Variants in SULT2B1 observed in about 807,000 individuals in gnomAD.
The protein encoded by SULT2B1 is sulfotransferase family 2B member 1, also known as sulfotransferase 2B1.
SULT2B1 carries 16 observed loss-of-function variants against 33.2 expected under a neutral mutation model. The ratio of observed to expected loss-of-function variants is 0.48; its 90% confidence interval spans 0.33 to 0.73. The LOEUF (loss-of-function observed/expected upper bound fraction) is 0.73. Ranked by LOEUF, SULT2B1 falls within the 30% of genes least tolerant of loss-of-function variation. The pLI is 0.02. For missense variants in SULT2B1, 500 were observed against 506.0 expected (o/e 0.99, Z 0.11); for synonymous variants, 186 against 200.5 (o/e 0.93, Z 0.61).
chr19:48,595,573 T>C (rs1024411724), intron 5 of SULT2B1, among the ~76,000 whole-genome samples: 4 of 151,430 alleles, frequency 2.6e-5, no homozygotes, highest in Non-Finnish European at 5.9e-5. Flanking sequence ...GAGGGAGGAA[T>C]GTGTAGGGAA....
chr19:48,586,585 G>C (rs949400160), intron 2 of SULT2B1, among the ~76,000 whole-genome samples: 1 of 152,172 alleles, frequency 6.6e-6, no homozygotes, highest in Non-Finnish European at 1.5e-5. Context: ...ATAGCAGCAG[G>C]GGAGAAGAGA....
chr19:48,585,957 C>T (rs559179824), intron 2 of SULT2B1, among the ~76,000 whole-genome samples: 27 of 152,230 alleles, frequency 1.8e-4, no homozygotes, highest in Non-Finnish European at 2.9e-4. Flanking sequence ...GGCATGATGC[C>T]TCTGCTCCCA....
chr19:48,587,326 TGAGA>T lies in SULT2B1; in HGVS notation c.313_316del (p.Glu105ProfsTer17). On this transcript the variant is annotated frameshift_variant, in exon 3 of 7. Coordinates refer to ENST00000201586, the MANE Select transcript of SULT2B1 (RefSeq NM_177973.2). LOFTEE classifies it high-confidence loss of function. ...CCATCTGGGAGCGGGCACCCTGGTG[TGAGA>T]CCATTGTGGGTGCCTTCAGCCTCCC... is the stretch of plus-strand genomic sequence containing the variant. 1 of 1,609,110 alleles carries T rather than the reference TGAGA, an allele frequency of 6.2e-7. No individual in the cohort carries two copies. The highest frequency in any genetic ancestry group is 1.7e-4 in the Middle Eastern group (1 of 6,054).
intron 1 of SULT2B1, among the ~76,000 whole-genome samples, chr19:48,564,107 G>A (rs79700483): frequency 0.11 from 17,090 of 151,926 alleles, 1,061 homozygotes; most frequent in Non-Finnish European, 0.14. Context: ...TGAGCCAAGC[G>A]TGGTGGCAGG....
chr19:48,555,157 T>C (rs566807278), intron 1 of SULT2B1, among the ~76,000 whole-genome samples: 71 of 152,284 alleles, frequency 4.7e-4, no homozygotes, highest in Admixed American at 2.5e-3. Flanking sequence ...AGTGGCACGA[T>C]CTCGGCTCAC....
intron 1 of SULT2B1, among the ~76,000 whole-genome samples, chr19:48,556,178 C>A (rs574833110): frequency 1.6e-4 from 25 of 152,302 alleles, no homozygotes; most frequent in Admixed American, 1.6e-3. Flanking sequence ...AGATTCAACA[C>A]GGGCAATTTA....
chr19:48,569,361 A>AAAATAT (rs1568405757), intron 1 of SULT2B1, among the ~76,000 whole-genome samples: 19 of 9,954 alleles, frequency 1.9e-3, no homozygotes, highest in African/African-American at 6.3e-3. Context: ...AAAAAAAAAA[A>AAAATAT]ACATATATAT....
At chr19:48,558,241 C>T (rs1255741595) in intron 1 of SULT2B1, among the ~76,000 whole-genome samples, 1 of 152,192 alleles carries the variant, frequency 6.6e-6, no homozygotes, top group African/African-American at 2.4e-5. Context: ...ACCAGGGAAG[C>T]CTGACTGTAT....
At chr19:48,573,672 T>G (rs4802490) in intron 1 of SULT2B1, among the ~76,000 whole-genome samples, 63,128 of 151,356 alleles carry the variant, frequency 0.42, 14,095 homozygotes, top group South Asian at 0.58. Context: ...GTGGCGTTCA[T>G]GGGGAAGGAG....
At chr19:48,554,716 C>A (rs1288242404) in intron 1 of SULT2B1, among the ~76,000 whole-genome samples, 3 of 132,812 alleles carry the variant, frequency 2.3e-5, no homozygotes, top group African/African-American at 2.9e-5. Flanking sequence ...CAGGCTGGAG[C>A]ACAGTGGAAC....
chr19:48,591,528 T>G, intron 3 of SULT2B1, 81 bp from the exon 4 acceptor site: 1 of 1,462,830 alleles, frequency 6.8e-7, no homozygotes, highest in Non-Finnish European at 9.1e-7. Flanking sequence ...AAGAGAGGGG[T>G]CTCCAGGGCA....
At chr19:48,596,623 G>A (rs945251612) in intron 5 of SULT2B1, 116 bp from the exon 6 acceptor site, 15 of 1,117,402 alleles carry the variant, frequency 1.3e-5, no homozygotes, top group Non-Finnish European at 1.6e-5. Flanking sequence ...CTGAGGCAAA[G>A]AGGCAGCGTC....
intron 4 of SULT2B1, 30 bp downstream of exon 4, chr19:48,591,765 G>C: frequency 6.5e-7 from 1 of 1,541,692 alleles, no homozygotes. Context: ...GGGCAGGAGG[G>C]GTGGGGAGGA....
chr19:48,583,655 T>C (rs1195584086), intron 2 of SULT2B1, among the ~76,000 whole-genome samples: 1 of 151,842 alleles, frequency 6.6e-6, no homozygotes, highest in African/African-American at 2.4e-5. Flanking sequence ...CCGTCTCTAC[T>C]AAAAATACAA....
At chr19:48,570,422 G>C (rs2665574) in intron 1 of SULT2B1, among the ~76,000 whole-genome samples, 98,389 of 151,802 alleles carry the variant, frequency 0.65, 32,682 homozygotes, top group African/African-American at 0.75. Context: ...CAGGTGATTT[G>C]CCTGCGTCAG....
At chr19:48,554,517 C>T (rs551146923) in intron 1 of SULT2B1, among the ~76,000 whole-genome samples, 5 of 148,872 alleles carry the variant, frequency 3.4e-5, no homozygotes, top group African/African-American at 1.0e-4. Context: ...TCATCTCCCC[C>T]CAACCTCACC....
chr19:48,580,376 C>T (rs1445049807), intron 2 of SULT2B1, among the ~76,000 whole-genome samples: 1 of 151,090 alleles, frequency 6.6e-6, no homozygotes, highest in African/African-American at 2.4e-5. Flanking sequence ...TCTCCTGCCT[C>T]AGCCTCCGGA....
At chr19:48,592,892 G>GACCCTCGGGAA in intron 5 of SULT2B1, 76 bp downstream of exon 5, 1 of 1,343,530 alleles carries the variant, frequency 7.4e-7, no homozygotes, top group Non-Finnish European at 1.0e-6. Context: ...CCCTTCCCGA[G>GACCCTCGGGAA]GGTCTCAGGA....
At position 48,599,034 on chromosome 19, in the gene SULT2B1, C is replaced by T. The variant is rs180862393; in HGVS notation, c.827-101C>T. 2.2e-5 allele frequency: 32 copies of T among 1,486,866 alleles called. No individual in the cohort carries two copies. The Admixed American group carries it at 3.6e-4, about 17-fold the overall frequency. The allele number at this position is 1,486,866 out of a possible 1,614,324, so 92.1% of individuals were successfully genotyped here. The stretch of plus-strand genomic sequence containing the variant: ...GGTGTTTCTGGCAAAGGGAACACCT[C>T]GCCAAAGGCCGGGAAGGGGAAGGAG... On this transcript the variant is annotated intron_variant, in intron 6 of 6. Coordinates refer to ENST00000201586, the MANE Select transcript of SULT2B1 (RefSeq NM_177973.2). This position sits in a 1 kb window ranked among gnomAD's most constrained non-coding sequence, Gnocchi z 4.1.
Sources: allele counts gnomAD v4.1 joint callset (sites outside exome capture counted in the v4.1 genomes callset), GRCh38; gene constraint gnomAD v4.1.1; non-coding constraint Gnocchi (gnomAD v3.1); transcripts MANE v1.5; gene names NCBI Gene and HGNC (gene_info 2026-07-23, HGNC 2026-07-21).